FSD2: variants seen among roughly 807,000 people sequenced by gnomAD.
FSD2 encodes fibronectin type III and SPRY domain containing 2, also known as fibronectin type III and SPRY domain-containing protein 2.
A neutral mutation model predicts 80.4 loss-of-function variants in FSD2; 71 were observed. The observed-to-expected ratio is 0.88, with a 90% CI of 0.73 to 1.08. The LOEUF (loss-of-function observed/expected upper bound fraction) is 1.08, where lower values mean the gene tolerates loss of function less well. Among genes scored for constraint, FSD2 ranks in the 50% least tolerant of loss-of-function variants. The pLI is 0.00. For missense variants in FSD2, 923 were observed against 913.8 expected, an observed-to-expected ratio of 1.01 and a Z score of -0.13; for synonymous variants, 361 against 329.5, an observed-to-expected ratio of 1.10 and a Z score of -1.03.
At chr15:82,801,441 G>A (rs1596267826) in intron 1 of FSD2, among the ~76,000 whole-genome samples, 3 of 152,276 alleles carry the variant, frequency 2.0e-5, no homozygotes, top group Admixed American at 1.3e-4. Context: ...GATGGTAGAC[G>A]GGTTGGGGAG....
intron 1 of FSD2, among the ~76,000 whole-genome samples, chr15:82,799,904 G>T (rs553784913): frequency 2.0e-5 from 3 of 152,192 alleles, no homozygotes; most frequent in Non-Finnish European, 2.9e-5. Context: ...CAGCTGGCCC[G>T]TGAGAGGTTG....
chr15:82,761,699 A>G (rs957747067), intron 12 of FSD2, among the ~76,000 whole-genome samples: 10 of 140,332 alleles, frequency 7.1e-5, no homozygotes, highest in African/African-American at 2.6e-4. Context: ...TTTTTTTTTT[A>G]GAGACGGGGT....
chr15:82,772,655 G>A (rs543174036), intron 6 of FSD2, among the ~76,000 whole-genome samples: 1 of 152,248 alleles, frequency 6.6e-6, no homozygotes, highest in East Asian at 1.9e-4. Context: ...GGCATCCAGG[G>A]AACATCTCCC....
At chr15:82,761,664 A>C (rs894477861) in intron 12 of FSD2, among the ~76,000 whole-genome samples, 6 of 149,612 alleles carry the variant, frequency 4.0e-5, no homozygotes, top group African/African-American at 1.5e-4. Context: ...CTTTTATTTT[A>C]TTTTATTTTT....
chr15:82,780,964 A>G (rs2049842391), intron 4 of FSD2, among the ~76,000 whole-genome samples: 1 of 152,038 alleles, frequency 6.6e-6, no homozygotes, highest in Admixed American at 6.6e-5. Flanking sequence ...TGAGCCCAGG[A>G]GTTCAAGGCT....
chr15:82,771,328 C>T (rs983536496), intron 7 of FSD2, among the ~76,000 whole-genome samples: 2 of 152,198 alleles, frequency 1.3e-5, no homozygotes, highest in African/African-American at 4.8e-5. Context: ...TCCAGCAATC[C>T]CACTTCAACC....
chr15:82,792,676 T>C (rs1443924755), intron 1 of FSD2, among the ~76,000 whole-genome samples: 1 of 152,254 alleles, frequency 6.6e-6, no homozygotes, highest in Non-Finnish European at 1.5e-5. Context: ...GCTTTTGATG[T>C]CATGTCTAAT....
chr15:82,795,515 C>A (rs1018502959), intron 1 of FSD2, among the ~76,000 whole-genome samples: 19 of 152,090 alleles, frequency 1.2e-4, no homozygotes, highest in African/African-American at 4.6e-4. Context: ...ATGGCTATAT[C>A]AGAGGAAGAC....
chr15:82,776,391 T>G (rs1324782040), intron 6 of FSD2, among the ~76,000 whole-genome samples: 1 of 152,216 alleles, frequency 6.6e-6, no homozygotes, highest in African/African-American at 2.4e-5. Flanking sequence ...GCCTGGAGAA[T>G]GTTACATGTG....
At chr15:82,777,392 A>G (rs2049739513) in intron 6 of FSD2, among the ~76,000 whole-genome samples, 1 of 152,240 alleles carries the variant, frequency 6.6e-6, no homozygotes, top group Admixed American at 6.5e-5. Context: ...CAAACCGATT[A>G]AAAAATGGGC....
Position 82,787,124 on chromosome 15 carries a change from C to T in FSD2, c.267G>A (p.Glu89=), listed in dbSNP as rs757137702. 1.9e-6 allele frequency: 3 copies of T among 1,614,008 alleles called. No individual in the cohort carries two copies. Among genetic ancestry groups the T allele is most frequent in the Non-Finnish European group, 1.7e-6 (2 of 1,179,898 alleles). The change falls in exon 2 of 13, where the codon GAG becomes GAA. Residue 89 remains glutamate, a synonymous_variant. Coordinates refer to ENST00000334574, the MANE Select transcript of FSD2 (RefSeq NM_001007122.4). ...GLEDDHELGD[E]FVDENIPRTG... ...TTCTGGGTATGTTTTCATCAACAAACTCATCCCCTAATTCATGATCATCTT... is the reference window on the plus strand; with the variant it reads ...TTCTGGGTATGTTTTCATCAACAAATTCATCCCCTAATTCATGATCATCTT...
chr15:82,774,446 T>TA (rs2049664334), intron 6 of FSD2, among the ~76,000 whole-genome samples: 1 of 152,220 alleles, frequency 6.6e-6, no homozygotes, highest in Non-Finnish European at 1.5e-5. Context: ...ATTTAATTCT[T>TA]ACCATATTCC....
In FSD2 at chr15:82,772,194, A is replaced by G. The variant is rs781090301; in HGVS notation, c.1146T>C (p.Pro382=). 1 of 1,612,606 alleles carries G rather than the reference A, an allele frequency of 6.2e-7. No homozygotes were observed. Among genetic ancestry groups the G allele is most frequent in the East Asian group, 2.2e-5 (1 of 44,856 alleles). Residue 382 remains proline (P), a synonymous_variant, in exon 7 of 13, where the codon CCT becomes CCC. Transcript: ENST00000334574. ...PSAPVINPQV[P]NSATGSSVRV... Reference sequence around the variant, plus strand: ...GGACTGAGGAACCTGTGGCTGAGTTAGGGACCTGTGGATTTATGACTGGAG... The same window carrying G: ...GGACTGAGGAACCTGTGGCTGAGTTGGGGACCTGTGGATTTATGACTGGAG...
At chr15:82,765,141 C>T (rs779029479) in intron 11 of FSD2, 25 bp downstream of exon 11, 4 of 1,572,634 alleles carry the variant, frequency 2.5e-6, no homozygotes, top group Admixed American at 1.9e-5. Flanking sequence ...TCACAGAACG[C>T]CCTTGTGAGC....
At chr15:82,781,710 T>C (rs570266423) in intron 4 of FSD2, among the ~76,000 whole-genome samples, 181 of 152,282 alleles carry the variant, frequency 1.2e-3, no homozygotes, top group African/African-American at 4.1e-3. Flanking sequence ...CTTTTCAGCC[T>C]TGACAACTTT....
chr15:82,802,583 G>T (rs1001074981), intron 1 of FSD2, among the ~76,000 whole-genome samples: 19 of 152,146 alleles, frequency 1.2e-4, no homozygotes, highest in African/African-American at 4.3e-4. Context: ...GCATCATGGG[G>T]GAGGAAGAGT....
chr15:82,768,132 C>G (rs140099406), intron 9 of FSD2, among the ~76,000 whole-genome samples: 13 of 152,354 alleles, frequency 8.5e-5, no homozygotes, highest in Non-Finnish European at 1.8e-4. Context: ...ACATGAGCTT[C>G]CAGACAGTCT....
At position 82,761,320 on chromosome 15, in the gene FSD2, A is replaced by AGTGT. The variant is rs767948634; in HGVS notation, c.1997+778_1997+781dup. 2.0e-3 allele frequency among the ~76,000 whole-genome samples: 299 copies of AGTGT among 152,292 alleles called. 1 individual carries two copies. Among genetic ancestry groups the AGTGT allele is most frequent in the Middle Eastern group, 0.01 (3 of 294 alleles). ...GTAACCATGGCCTTCTAAGTCTGAAAGTGTATTCATTGGCCTGGGCTTCGT... is the reference window on the plus strand; with the variant it reads ...GTAACCATGGCCTTCTAAGTCTGAAAGTGTGTGTATTCATTGGCCTGGGCTTCGT... On this transcript the variant is annotated intron_variant, in intron 12 of 12. Transcript: ENST00000334574.
At chr15:82,784,027 G>A (rs1371414942) in intron 3 of FSD2, among the ~76,000 whole-genome samples, 1 of 152,042 alleles carries the variant, frequency 6.6e-6, no homozygotes, top group Admixed American at 6.6e-5. Context: ...CAGATGATGG[G>A]GACATTTCCA....
Sources: allele counts gnomAD v4.1 joint callset (sites outside exome capture counted in the v4.1 genomes callset), GRCh38; gene constraint gnomAD v4.1.1; transcripts MANE v1.5; gene names NCBI Gene and HGNC (gene_info 2026-07-23, HGNC 2026-07-21).